TANGO6: variants seen among roughly 807,000 people sequenced by gnomAD.
TANGO6 encodes the protein transport and golgi organization 6 homolog.
Under a neutral mutation model 114.2 loss-of-function variants are expected in TANGO6, and 90 were observed. The ratio of observed to expected loss-of-function variants is 0.79; its 90% CI spans 0.66 to 0.94. The LOEUF (loss-of-function observed/expected upper bound fraction) is 0.94. Among genes scored for constraint, TANGO6 ranks in the 40% least tolerant of loss-of-function variants. TANGO6 has a pLI of 0.00. For missense variants in TANGO6, 1,274 were observed against 1,315.3 expected (o/e 0.97, Z 0.49); for synonymous variants, 477 against 509.8 (o/e 0.94, Z 0.87).
intron 15 of TANGO6, among the ~76,000 whole-genome samples, chr16:69,014,679 G>A (rs1597058311): frequency 6.6e-6 from 1 of 152,090 alleles, no homozygotes; most frequent in Non-Finnish European, 1.5e-5. Context: ...AGGATCACTT[G>A]AGCCCAGGAG....
chr16:69,076,886 TC>T (rs1322925648), intron 17 of TANGO6, among the ~76,000 whole-genome samples: 1 of 152,032 alleles, frequency 6.6e-6, no homozygotes, highest in African/African-American at 2.4e-5. Context: ...AAACACAGGT[TC>T]ACAGGAGGCT....
At chr16:68,975,543 G>C (rs760331651) in intron 15 of TANGO6, among the ~76,000 whole-genome samples, 9 of 150,680 alleles carry the variant, frequency 6.0e-5, no homozygotes, top group Non-Finnish European at 1.0e-4. Flanking sequence ...TCAGGGAAAT[G>C]TTTCTTTCTT....
Position 68,928,095 on chromosome 16 carries a change from A to G in TANGO6, c.2643+12A>G. The G allele has an allele frequency of 6.4e-7, 1 of 1,560,370 alleles. No homozygotes were observed. Among genetic ancestry groups the G allele is most frequent in the Admixed American group, 1.9e-5 (1 of 51,330 alleles). ...AGAAGCTTCTCAAGGTGAGTAGAAC[A>G]CACTGTAAAGACACATGGGCACAGG... On this transcript the variant is annotated intron_variant, in intron 13 of 17. Transcript: ENST00000261778.
chr16:68,879,457 C>A (rs1962422931), intron 6 of TANGO6, among the ~76,000 whole-genome samples: 9 of 151,988 alleles, frequency 5.9e-5, no homozygotes, highest in Admixed American at 5.9e-4. Context: ...ACTCCAGAGC[C>A]TGGGTTACAG....
chr16:68,909,409 A>G lies in TANGO6; in HGVS notation c.1992+7A>G. ...ATTCACAAACGTCACTCAGGTCAGT[A>G]GTTGCCACATTCTGGACCGCAGCCT... On this transcript the variant is annotated splice_region_variant and intron_variant, in intron 11 of 17. Coordinates refer to ENST00000261778, the MANE Select transcript of TANGO6 (RefSeq NM_024562.2). 6.6e-7 allele frequency: 1 copy of G among 1,506,342 alleles called. No individual in the cohort carries two copies. The highest frequency in any genetic ancestry group is 8.9e-7 in the Non-Finnish European group (1 of 1,123,208). 93.3% of individuals were successfully genotyped at this position (1,506,342 alleles called of 1,614,324 possible).
chr16:69,055,301 C>T (rs1000673294), intron 17 of TANGO6, among the ~76,000 whole-genome samples: 3 of 152,148 alleles, frequency 2.0e-5, no homozygotes, highest in African/African-American at 7.2e-5. Context: ...AGAGATAGAG[C>T]TGGGGGGTCA....
At chr16:69,069,367 C>G (rs1199433778) in intron 17 of TANGO6, among the ~76,000 whole-genome samples, 3 of 152,158 alleles carry the variant, frequency 2.0e-5, no homozygotes, top group African/African-American at 7.2e-5. Context: ...TCATCTGTTC[C>G]CTCTCACATC....
chr16:68,996,091 T>TC (rs1963986782), intron 15 of TANGO6, among the ~76,000 whole-genome samples: 4 of 152,138 alleles, frequency 2.6e-5, no homozygotes, highest in African/African-American at 7.2e-5. Flanking sequence ...CCCTCTTCTG[T>TC]TCATAAAGGG....
At chr16:69,078,021 C>T (rs1269105861) in intron 17 of TANGO6, among the ~76,000 whole-genome samples, 5 of 152,028 alleles carry the variant, frequency 3.3e-5, no homozygotes, top group African/African-American at 9.7e-5. Flanking sequence ...AACAGAACTC[C>T]GGGAAGGGCA....
chr16:68,924,111 T>G (rs371186546), intron 12 of TANGO6, among the ~76,000 whole-genome samples: 3 of 152,350 alleles, frequency 2.0e-5, no homozygotes, highest in African/African-American at 4.8e-5. Context: ...AGCCCTTACT[T>G]GCAAACCACA....
intron 12 of TANGO6, among the ~76,000 whole-genome samples, chr16:68,924,499 G>T (rs759103383): frequency 1.0e-4 from 15 of 146,964 alleles, no homozygotes; most frequent in African/African-American, 3.8e-4. Flanking sequence ...AAAAAAAAAG[G>T]CTCCTCAGCT....
At chr16:68,995,956 C>T (rs1233340527) in intron 15 of TANGO6, among the ~76,000 whole-genome samples, 2 of 152,132 alleles carry the variant, frequency 1.3e-5, no homozygotes, top group African/African-American at 4.8e-5. Context: ...GAGGTTCAAA[C>T]AAGATAATAG....
intron 17 of TANGO6, among the ~76,000 whole-genome samples, chr16:69,071,809 A>G (rs987686526): frequency 2.6e-5 from 4 of 152,248 alleles, no homozygotes; most frequent in African/African-American, 4.8e-5. Flanking sequence ...TCATTGAAAG[A>G]GTCAAACACT....
At chr16:68,944,192 A>G (rs1023240097) in intron 14 of TANGO6, among the ~76,000 whole-genome samples, 1 of 152,224 alleles carries the variant, frequency 6.6e-6, no homozygotes, top group African/African-American at 2.4e-5. Flanking sequence ...ATCTCAAAAT[A>G]TATCTTGGCA....
intron 7 of TANGO6, among the ~76,000 whole-genome samples, chr16:68,886,876 C>G (rs768563501): frequency 6.6e-5 from 10 of 151,842 alleles, no homozygotes; most frequent in Non-Finnish European, 1.2e-4. Flanking sequence ...TGTGCGATCT[C>G]AGCTTACTGC....
At chr16:68,871,900 G>A (rs888856716) in intron 4 of TANGO6, among the ~76,000 whole-genome samples, 1 of 152,142 alleles carries the variant, frequency 6.6e-6, no homozygotes, top group Non-Finnish European at 1.5e-5. Flanking sequence ...GTTTACAGGC[G>A]TGAACCACTG....
intron 17 of TANGO6, among the ~76,000 whole-genome samples, chr16:69,047,304 G>A (rs1325359128): frequency 6.6e-6 from 1 of 152,092 alleles, no homozygotes; most frequent in Non-Finnish European, 1.5e-5. Context: ...AGACCAGCCT[G>A]GCCAACATGG....
rs1380149487 is a variant in TANGO6, at chr16:68,901,426, C to A, written c.1490+880C>A. Among the ~76,000 whole-genome samples, 3 of 152,164 alleles carry A rather than the reference C, an allele frequency of 2.0e-5. No homozygotes were observed. The East Asian group carries it at 5.8e-4, about 29-fold the overall frequency. On this transcript the variant is annotated intron_variant, in intron 8 of 17. Transcript: ENST00000261778. ...GCAATGGCAACGACAAGAGAGAATG[C>A]ATTGGAAGAGGGAGGCTGTACATCT...
intron 17 of TANGO6, among the ~76,000 whole-genome samples, chr16:69,078,265 T>C (rs1423196543): frequency 6.6e-6 from 1 of 152,186 alleles, no homozygotes; most frequent in African/African-American, 2.4e-5. Context: ...GGGAGCTTGT[T>C]CTATGTAGCC....
Sources: gnomAD v4.1 joint callset for allele counts (sites outside exome capture counted in the v4.1 genomes callset) on GRCh38, gnomAD v4.1.1 for gene constraint, MANE v1.5 for transcripts, NCBI Gene and HGNC (gene_info 2026-07-23, HGNC 2026-07-21) for gene names.